Variants in DNAJB12 observed in about 807,000 individuals in gnomAD.
DNAJB12 encodes DnaJ heat shock protein family (Hsp40) member B12, also known as dnaJ homolog subfamily B member 12.
DNAJB12 carries 14 observed loss-of-function variants against 40.6 expected under a neutral mutation model. That is an observed-to-expected ratio of 0.34 (90% CI 0.23 to 0.54). The LOEUF is 0.54. DNAJB12 is among the 20% of genes least tolerant of loss of function. The pLI is 0.92. For synonymous variants in DNAJB12, 181 were observed against 199.5 expected, an observed-to-expected ratio of 0.91 and a Z score of 0.78; for missense variants, 444 against 501.7, an observed-to-expected ratio of 0.89 and a Z score of 1.10.
chr10:72,351,446 C>G (rs1342906179), intron 1 of DNAJB12, among the ~76,000 whole-genome samples: 2 of 152,258 alleles, frequency 1.3e-5, no homozygotes, highest in Non-Finnish European at 2.9e-5. Context: ...ACTCTCCCCT[C>G]TCTGCCCTTC....
chr10:72,354,700 G>T, intron 1 of DNAJB12, 65 bp downstream of exon 1: 2 of 1,423,112 alleles, frequency 1.4e-6, no homozygotes, highest in Non-Finnish European at 1.9e-6. Flanking sequence ...TGCTCCCGTC[G>T]GTCCGTTCCC....
At position 72,335,313 on chromosome 10, in the gene DNAJB12, C is replaced by T; in HGVS notation, c.*30+467G>A. 1.0e-6 allele frequency: 1 copy of T among 988,256 alleles called. No individual in the cohort carries two copies. The highest frequency in any genetic ancestry group is 1.2e-6 in the Non-Finnish European group (1 of 831,542). The allele number at this position is 988,256 out of a possible 1,614,324, so 61.2% of individuals were successfully genotyped here. A position where few individuals can be genotyped will look rare whatever the true frequency, so the allele number is the denominator to read the frequency against. On this transcript the variant is annotated intron_variant, in intron 8 of 8. Coordinates refer to ENST00000444643, the MANE Select transcript of DNAJB12 (RefSeq NM_017626.7). The surrounding 1 kb of genome is among the most constrained non-coding windows in gnomAD (Gnocchi z 4.4). ...GAGAAAGGGGAGGGCTCTTGGCCCA[C>T]CTATTCCCACATGGTTCTTCCTGGT...
At chr10:72,345,648 G>A (rs1224037199) in intron 1 of DNAJB12, among the ~76,000 whole-genome samples, 1 of 149,908 alleles carries the variant, frequency 6.7e-6, no homozygotes, top group African/African-American at 2.5e-5. Context: ...TGAGGCGGGC[G>A]GATCACCTGA....
chr10:72,347,574 G>A (rs1258507627), intron 1 of DNAJB12, among the ~76,000 whole-genome samples: 2 of 152,242 alleles, frequency 1.3e-5, no homozygotes, highest in African/African-American at 4.8e-5. Flanking sequence ...AATGTCTGGA[G>A]TCTATACAGG....
chr10:72,340,730 C>T (rs946987283), intron 5 of DNAJB12, 59 bp downstream of exon 5: 2 of 1,551,508 alleles, frequency 1.3e-6, no homozygotes, highest in South Asian at 1.1e-5. Context: ...CTCCAAGCCC[C>T]CTCCCTGGGG....
chr10:72,345,329 T>A (rs1861755843), intron 1 of DNAJB12, among the ~76,000 whole-genome samples: 1 of 152,160 alleles, frequency 6.6e-6, no homozygotes. Flanking sequence ...AGGCCGGACG[T>A]GGTGGTTCAC....
At position 72,338,187 on chromosome 10, in the gene DNAJB12, C is replaced by T. The variant is rs765060757; in HGVS notation, c.833+15G>A. On this transcript the variant is annotated intron_variant, in intron 6 of 8. Coordinates refer to ENST00000444643, the MANE Select transcript of DNAJB12 (RefSeq NM_017626.7). ...CCCTTGTCTGCCCATGGCCCGGCCT[C>T]ACCCATGTACTCACGGTCTTGGACT... is the stretch of plus-strand genomic sequence containing the variant. 9 of 1,610,562 alleles carry T rather than the reference C, an allele frequency of 5.6e-6. No homozygotes were observed. The highest frequency in any genetic ancestry group is 7.6e-6 in the Non-Finnish European group (9 of 1,177,040).
At chr10:72,340,559 C>T (rs1405557921) in intron 5 of DNAJB12, among the ~76,000 whole-genome samples, 1 of 152,228 alleles carries the variant, frequency 6.6e-6, no homozygotes, top group Non-Finnish European at 1.5e-5. Flanking sequence ...GCCAGGCCAG[C>T]AAAGCCGCGC....
At position 72,345,127 on chromosome 10, in the gene DNAJB12, G is replaced by A. The variant is rs1310703500; in HGVS notation, c.134C>T (p.Ala45Val). The change falls in exon 2 of 9, where the codon GCC (alanine) becomes GTC (valine). Residue 45 changes from alanine (A) to valine (V), a missense_variant and splice_region_variant. By Grantham distance (64) the Ala-to-Val change is moderately conservative. Coordinates refer to ENST00000444643, the MANE Select transcript of DNAJB12 (RefSeq NM_017626.7). Reference sequence around the variant, plus strand: ...TTTCTGGTTGAGGGACTCAATCAGGGCTGTGCAAGGCAAGGAAACCATTCA... The same window carrying A: ...TTTCTGGTTGAGGGACTCAATCAGGACTGTGCAAGGCAAGGAAACCATTCA... ...QRLYPTPRVR[A>V]LIESLNQKPQ... 4 of 1,601,686 alleles carry A rather than the reference G, an allele frequency of 2.5e-6. No homozygotes were observed. In the South Asian group the frequency reaches 3.4e-5, roughly 13 times the overall value.
Position 72,334,628 on chromosome 10 carries a change from G to C in DNAJB12, c.*31-11C>G, listed in dbSNP as rs1292468136. On this transcript the variant is annotated splice_polypyrimidine_tract_variant and intron_variant, in intron 8 of 8. Transcript: ENST00000444643. ...CAGGGATTTCATAGTCTGGGGAGGAGAGTGGCAACAGTTAGCTCGGCATTC... is the reference window on the plus strand; with the variant it reads ...CAGGGATTTCATAGTCTGGGGAGGACAGTGGCAACAGTTAGCTCGGCATTC... The C allele has an allele frequency of 1.2e-5, 19 of 1,529,934 alleles. No individual in the cohort carries two copies. In the East Asian group the frequency reaches 4.0e-4, roughly 32 times the overall value. The allele number at this position is 1,529,934 out of a possible 1,614,324, so 94.8% of individuals were successfully genotyped here. A position where few individuals can be genotyped will look rare whatever the true frequency, so the allele number is the denominator to read the frequency against.
chr10:72,350,657 A>G (rs1861913742), intron 1 of DNAJB12, among the ~76,000 whole-genome samples: 1 of 152,134 alleles, frequency 6.6e-6, no homozygotes, highest in African/African-American at 2.4e-5. Flanking sequence ...CTGTGTACCT[A>G]CGGTGCTCAC....
intron 6 of DNAJB12, 143 bp from the exon 7 acceptor site, chr10:72,336,839 TCCCTGAAAGG>T: frequency 1.6e-6 from 1 of 621,994 alleles, no homozygotes; most frequent in Non-Finnish European, 2.7e-6. Context: ...ACCCGCACAC[TCCCTGAAAGG>T]AGAGTCTGAG....
In DNAJB12 at chr10:72,334,557, T is replaced by C; in HGVS notation, c.*91A>G. 1.2e-5 allele frequency: 19 copies of C among 1,535,620 alleles called. No individual in the cohort carries two copies. The highest frequency in any genetic ancestry group is 1.7e-5 in the Non-Finnish European group (19 of 1,146,512). ...GTTTCTTTGTTTGTCTTTCCTCAAA[T>C]ATACAGTCCATCACCTTGGCTCAGT... is the stretch of plus-strand genomic sequence containing the variant. On this transcript the variant is annotated 3_prime_UTR_variant, in exon 9 of 9. Transcript: ENST00000444643.
chr10:72,348,264 G>C (rs1055154392), intron 1 of DNAJB12, among the ~76,000 whole-genome samples: 4 of 152,196 alleles, frequency 2.6e-5, no homozygotes, highest in Non-Finnish European at 4.4e-5. Context: ...GGTTCCTGCA[G>C]ATTAAATGAG....
In DNAJB12 at chr10:72,334,290, G is replaced by A; in HGVS notation, c.*358C>T. ...TGGTGGCTCCTGTGAGGGAGGAAAGGCAGCTGGGTGCCCCCTCCCCCAGCC... is the reference window on the plus strand; with the variant it reads ...TGGTGGCTCCTGTGAGGGAGGAAAGACAGCTGGGTGCCCCCTCCCCCAGCC... On this transcript the variant is annotated 3_prime_UTR_variant, in exon 9 of 9. Transcript: ENST00000444643. 1 of 442,564 alleles carries A rather than the reference G, an allele frequency of 2.3e-6. No homozygotes were observed. 27.4% of individuals were successfully genotyped at this position (442,564 alleles called of 1,614,324 possible).
intron 5 of DNAJB12, among the ~76,000 whole-genome samples, chr10:72,339,355 G>A (rs916417686): frequency 5.3e-5 from 8 of 150,988 alleles, no homozygotes; most frequent in African/African-American, 1.7e-4. Flanking sequence ...CCAACATGGT[G>A]AAACCCCGTC....
intron 5 of DNAJB12, among the ~76,000 whole-genome samples, 156 bp from the exon 6 acceptor site, chr10:72,338,467 C>A (rs1359502457): frequency 6.6e-6 from 1 of 151,992 alleles, no homozygotes; most frequent in Admixed American, 6.6e-5. Context: ...CGCTCCTTCA[C>A]CTGCCAGCTT....
At chr10:72,349,689 C>A (rs977074276) in intron 1 of DNAJB12, among the ~76,000 whole-genome samples, 1 of 152,118 alleles carries the variant, frequency 6.6e-6, no homozygotes, top group Non-Finnish European at 1.5e-5. Context: ...GGAGATGGGA[C>A]AGGCTCTCTC....
In DNAJB12 at chr10:72,340,884, G is replaced by A. The variant is rs9416018; in HGVS notation, c.644-16C>T. On this transcript the variant is annotated splice_polypyrimidine_tract_variant and intron_variant, in intron 4 of 8. Transcript: ENST00000444643. ...TGGACGTTACCTGGGGGTCAGAGGG[G>A]CTGAGTCAGGAGCCAGGTCTGTTGG... The A allele has an allele frequency of 0.55, 891,555 of 1,612,228 alleles. 262,641 individuals carry two copies. Among genetic ancestry groups the A allele is most frequent in the Middle Eastern group, 0.62 (3,756 of 6,058 alleles).
Sources: allele counts gnomAD v4.1 joint callset (sites outside exome capture counted in the v4.1 genomes callset), GRCh38; gene constraint gnomAD v4.1.1; non-coding constraint Gnocchi (gnomAD v3.1); transcripts MANE v1.5; gene names NCBI Gene and HGNC (gene_info 2026-07-23, HGNC 2026-07-21).